The following MTA3 variants were observed in gnomAD, a reference collection of about 807,000 sequenced individuals.
MTA3 encodes the protein metastasis-associated protein MTA3.
In MTA3, 34 loss-of-function variants were observed where a neutral mutation model predicts 83.5. The ratio of observed to expected loss-of-function variants is 0.41; its 90% CI spans 0.31 to 0.54. The LOEUF (loss-of-function observed/expected upper bound fraction) is 0.54. Among genes scored for constraint, MTA3 ranks in the 20% least tolerant of loss-of-function variants. MTA3 has a pLI of 0.33. For synonymous variants in MTA3, 303 were observed against 252.7 expected (o/e 1.20, Z -1.89); for missense variants, 761 against 726.4 (o/e 1.05, Z -0.55).
chr2:42,688,526 A>G (rs999219453), intron 9 of MTA3, among the ~76,000 whole-genome samples: 2 of 151,496 alleles, frequency 1.3e-5, no homozygotes, highest in Admixed American at 6.6e-5. Context: ...TTGATGTGAA[A>G]TGTTTTTCAA....
At chr2:42,535,030 T>C (rs868117704) in intron 2 of MTA3, among the ~76,000 whole-genome samples, 3 of 152,076 alleles carry the variant, frequency 2.0e-5, no homozygotes, top group Non-Finnish European at 4.4e-5. Flanking sequence ...GGAGCTGTCA[T>C]TGGCTTGTTA....
chr2:42,693,220 C>A (rs1573643716), intron 9 of MTA3, among the ~76,000 whole-genome samples: 1 of 152,230 alleles, frequency 6.6e-6, no homozygotes, highest in East Asian at 1.9e-4. Context: ...CTGGGTCATG[C>A]CTGTCGTAAC....
At chr2:42,752,337 C>T (rs1000875569) in intron 16 of MTA3, 2 of 468,364 alleles carry the variant, frequency 4.3e-6, no homozygotes, top group African/African-American at 4.0e-5. Flanking sequence ...TTCCTGGCAG[C>T]AGGGTGATGT....
At chr2:42,603,860 C>G (rs1461179776) in intron 3 of MTA3, among the ~76,000 whole-genome samples, 2 of 152,090 alleles carry the variant, frequency 1.3e-5, no homozygotes, top group Non-Finnish European at 2.9e-5. Flanking sequence ...ACGCCATTCT[C>G]CTGCCTCAGC....
At chr2:42,690,149 A>C (rs1692749702) in intron 9 of MTA3, among the ~76,000 whole-genome samples, 1 of 152,198 alleles carries the variant, frequency 6.6e-6, no homozygotes, top group Non-Finnish European at 1.5e-5. Flanking sequence ...CCTGGGCAGC[A>C]TAGCATTACA....
intron 2 of MTA3, among the ~76,000 whole-genome samples, chr2:42,548,802 CAAA>C (rs1362657510): frequency 9.3e-5 from 4 of 42,944 alleles, no homozygotes; most frequent in Non-Finnish European, 1.5e-4. Flanking sequence ...GACCCTGTCT[CAAA>C]AAAAAATATA....
At chr2:42,544,453 A>G (rs1324641162) in intron 2 of MTA3, among the ~76,000 whole-genome samples, 3 of 151,564 alleles carry the variant, frequency 2.0e-5, no homozygotes, top group Non-Finnish European at 4.4e-5. Context: ...CTCCATCTCA[A>G]AAAAAAACAA....
intron 4 of MTA3, among the ~76,000 whole-genome samples, chr2:42,610,735 C>G (rs1003382528): frequency 5.9e-5 from 9 of 152,230 alleles, no homozygotes; most frequent in Middle Eastern, 6.8e-3. Context: ...GCTACTTACT[C>G]AGCCTTCCAG....
chr2:42,684,940 C>G (rs527333295), intron 9 of MTA3, among the ~76,000 whole-genome samples: 12 of 152,148 alleles, frequency 7.9e-5, no homozygotes, highest in Non-Finnish European at 1.5e-4. Flanking sequence ...AGTACATGAA[C>G]AAGTGTATAG....
At chr2:42,609,109 C>T (rs1291675049) in intron 3 of MTA3, among the ~76,000 whole-genome samples, 2 of 149,056 alleles carry the variant, frequency 1.3e-5, no homozygotes, top group Non-Finnish European at 1.5e-5. Flanking sequence ...TGGCTGACTG[C>T]AAACTCCACC....
intron 6 of MTA3, among the ~76,000 whole-genome samples, chr2:42,652,255 G>T (rs1180080978): frequency 6.6e-6 from 1 of 152,038 alleles, no homozygotes; most frequent in African/African-American, 2.4e-5. Flanking sequence ...CAGATCTTTG[G>T]TCTCTTTTTC....
intron 15 of MTA3, among the ~76,000 whole-genome samples, chr2:42,719,478 T>C (rs1307003686): frequency 6.6e-6 from 1 of 152,234 alleles, no homozygotes; most frequent in African/African-American, 2.4e-5. Context: ...TATTTACTTA[T>C]TAAAATGAGA....
At chr2:42,681,436 G>T (rs1467346170) in intron 8 of MTA3, among the ~76,000 whole-genome samples, 1 of 152,096 alleles carries the variant, frequency 6.6e-6, no homozygotes, top group Admixed American at 6.5e-5. Context: ...TACATAATCT[G>T]TATATTTTTC....
At chr2:42,521,316 G>A (rs1195024656) in intron 2 of MTA3, among the ~76,000 whole-genome samples, 3 of 152,150 alleles carry the variant, frequency 2.0e-5, no homozygotes, top group African/African-American at 7.2e-5. Flanking sequence ...CCTGCCAACA[G>A]CCACGTGAGT....
chr2:42,568,918 C>A, intron 1 of MTA3, 145 bp downstream of exon 1: 1 of 805,380 alleles, frequency 1.2e-6, no homozygotes, highest in Non-Finnish European at 1.6e-6. Context: ...GCAGAGGGGC[C>A]GGGACTCCCC....
chr2:42,703,912 A>T, intron 11 of MTA3: 1 of 247,224 alleles, frequency 4.0e-6, no homozygotes, highest in Non-Finnish European at 7.9e-6. Flanking sequence ...AAAGTGTCAG[A>T]GGATGTTCTA....
intron 5 of MTA3, among the ~76,000 whole-genome samples, chr2:42,642,422 G>T (rs926974640): frequency 2.0e-5 from 3 of 151,986 alleles, no homozygotes; most frequent in Non-Finnish European, 2.9e-5. Context: ...TTGGGAGGTT[G>T]AGGCAGGAGG....
At chr2:42,623,143 G>T (rs1324095897) in intron 4 of MTA3, among the ~76,000 whole-genome samples, 2 of 152,206 alleles carry the variant, frequency 1.3e-5, no homozygotes, top group Non-Finnish European at 2.9e-5. Context: ...CATACCTTGA[G>T]AATGATCCTG....
intron 5 of MTA3, among the ~76,000 whole-genome samples, chr2:42,643,387 G>A (rs373240131): frequency 5.3e-5 from 8 of 152,090 alleles, no homozygotes; most frequent in South Asian, 2.1e-4. Flanking sequence ...GTGGTTATAC[G>A]GAATTCAGCA....
Sources: gnomAD v4.1 joint callset for allele counts (sites outside exome capture counted in the v4.1 genomes callset) on GRCh38, gnomAD v4.1.1 for gene constraint, MANE v1.5 for transcripts, NCBI Gene and HGNC (gene_info 2026-07-23, HGNC 2026-07-21) for gene names.